Variants in TBCD observed in about 807,000 individuals in gnomAD.
The protein encoded by TBCD is tubulin folding cofactor D.
Under a neutral mutation model 169.3 loss-of-function variants are expected in TBCD, and 105 were observed. That is an observed-to-expected ratio of 0.62 (90% confidence interval 0.53 to 0.73). TBCD has a LOEUF of 0.73. TBCD is among the 30% of genes least tolerant of loss of function. The pLI is 0.00. For synonymous variants in TBCD, 700 were observed against 643.9 expected (o/e 1.09, Z -1.32); for missense variants, 1,444 against 1,600.1 (o/e 0.90, Z 1.66).
chr17:82,927,114 A>G, intron 28 of TBCD, 72 bp from the exon 29 acceptor site: 1 of 1,595,092 alleles, frequency 6.3e-7, no homozygotes, highest in East Asian at 2.2e-5. Flanking sequence ...AGGAACACAC[A>G]TCAGCCCTCT....
At chr17:82,937,792 C>A in intron 35 of TBCD, 1 of 1,345,474 alleles carries the variant, frequency 7.4e-7, no homozygotes, top group Non-Finnish European at 9.9e-7. Context: ...GTCCTCATGG[C>A]AGGGCGAGCG....
rs769131046 is a variant in TBCD at position 82,926,413 on chromosome 17, T to A, written c.2393T>A (p.Leu798Ter). ...ATTGCTTTCCAGGTTCTCACAGGTT[T>A]AAGAGCAGTTACCCACACTTCCCCC... ...KGRLQQVLTGLRAVTHTSPED... is the reference protein window; with the variant it reads ...KGRLQQVLTG The change falls in exon 28 of 39, where the codon TTA (leucine) becomes TAA (stop). Residue 798 changes from leucine to a stop codon, truncating the protein, a stop_gained. Transcript: ENST00000355528. LOFTEE classifies it high-confidence loss of function. 2 of 1,614,000 alleles carry A rather than the reference T, an allele frequency of 1.2e-6. No individual in the cohort carries two copies. The highest frequency in any genetic ancestry group is 1.7e-5 in the Admixed American group (1 of 60,028).
chr17:82,811,227 C>G (rs2051416301), intron 12 of TBCD, among the ~76,000 whole-genome samples: 1 of 152,216 alleles, frequency 6.6e-6, no homozygotes, highest in South Asian at 2.1e-4. Flanking sequence ...GGGCTCCAGG[C>G]CGGGCCTGCC....
chr17:82,937,090 C>T, intron 34 of TBCD, 181 bp from the exon 35 acceptor site: 2 of 598,724 alleles, frequency 3.3e-6, no homozygotes, highest in Non-Finnish European at 5.9e-6. Context: ...AGGGACCAGG[C>T]CGGCCTGTGG....
rs1287761342 is a variant in TBCD, at chr17:82,910,971, C to T, written c.2007-787C>T. 2.6e-5 allele frequency among the ~76,000 whole-genome samples: 4 copies of T among 152,186 alleles called. No homozygotes were observed. The East Asian group carries it at 7.7e-4, about 29-fold the overall frequency. On this transcript the variant is annotated intron_variant, in intron 22 of 38. Transcript: ENST00000355528. ...CTTTCTGCCTCCTAGTCCTTCCAGG[C>T]TGCTCCCAAGAGGTCCCTTGGCTGC...
intron 6 of TBCD, among the ~76,000 whole-genome samples, chr17:82,775,904 A>T (rs11868752): frequency 0.056 from 8,478 of 151,550 alleles, 812 homozygotes; most frequent in African/African-American, 0.19. Flanking sequence ...TAAAAAAATT[A>T]AAAAAAAACC....
At position 82,941,413 on chromosome 17, in the gene TBCD, C is replaced by T. The variant is rs369383204; in HGVS notation, c.3494C>T (p.Ala1165Val). The T allele has an allele frequency of 4.4e-6, 7 of 1,597,012 alleles. No homozygotes were observed. Among genetic ancestry groups the T allele is most frequent in the Admixed American group, 3.4e-5 (2 of 58,978 alleles). The part of the protein sequence containing the change: ...LSDTAWDAEL[A>V]VVREQRNRLC... ...TCTCCTCACAGGGACGCGGAGCTTGCAGTGGTGAGAGAGCAGCGCAACCGT... is the reference window on the plus strand; with the variant it reads ...TCTCCTCACAGGGACGCGGAGCTTGTAGTGGTGAGAGAGCAGCGCAACCGT... The change falls in exon 38 of 39, where the codon GCA becomes GTA. Residue 1165 changes from alanine to valine, a missense_variant. Physicochemically the swap from Ala to Val is moderately conservative, Grantham distance 64 (BLOSUM62 0). Transcript: ENST00000355528.
intron 3 of TBCD, 66 bp downstream of exon 3, chr17:82,764,128 C>A: frequency 8.0e-7 from 1 of 1,250,312 alleles, no homozygotes; most frequent in Non-Finnish European, 1.1e-6. Context: ...CAGAGGTTAC[C>A]CTCCAAAATG....
chr17:82,766,102 C>T (rs559541342), intron 3 of TBCD, among the ~76,000 whole-genome samples, 165 bp from the exon 4 acceptor site: 1 of 152,286 alleles, frequency 6.6e-6, no homozygotes, highest in South Asian at 2.1e-4. Flanking sequence ...GGGTAGCTTT[C>T]TTGGGGTGAC....
At chr17:82,755,917 A>G (rs967394303) in intron 1 of TBCD, among the ~76,000 whole-genome samples, 1 of 152,144 alleles carries the variant, frequency 6.6e-6, no homozygotes, top group Non-Finnish European at 1.5e-5. Context: ...GAAAAGAGGA[A>G]CAGTGTGCCA....
intron 7 of TBCD, among the ~76,000 whole-genome samples, chr17:82,783,840 T>TAAA (rs1361533148): frequency 8.4e-4 from 128 of 152,298 alleles, no homozygotes; most frequent in African/African-American, 2.5e-3. Flanking sequence ...CTTAATGCTT[T>TAAA]CAGGCCGGGC....
rs2058285159 is a variant in TBCD at position 82,880,585 on chromosome 17, G to A, written c.1476-3560G>A. On this transcript the variant is annotated intron_variant, in intron 14 of 38. Coordinates refer to ENST00000355528, the MANE Select transcript of TBCD (RefSeq NM_005993.5). The surrounding 1 kb of genome is among the most constrained non-coding windows in gnomAD (Gnocchi z 5.0). The stretch of plus-strand genomic sequence containing the variant: ...CTGGGTGTGCTGCTGGATGCCCCAA[G>A]GATCTGGCAGGAGGAGGCATCCAGG... Among the ~76,000 whole-genome samples, 1 of 152,234 alleles carries A rather than the reference G, an allele frequency of 6.6e-6. No individual in the cohort carries two copies. Among genetic ancestry groups the A allele is most frequent in the South Asian group, 2.1e-4 (1 of 4,830 alleles).
rs2060347823 is a variant in TBCD at position 82,907,702 on chromosome 17, G to A, written c.1923-59G>A. On this transcript the variant is annotated intron_variant, in intron 20 of 38. Coordinates refer to ENST00000355528, the MANE Select transcript of TBCD (RefSeq NM_005993.5). ...GAGTGTGGCCTCAGCTCCTCCGAGTGTACTCGGGGTTAGGGTCTTGGGGAG... is the reference window on the plus strand; with the variant it reads ...GAGTGTGGCCTCAGCTCCTCCGAGTATACTCGGGGTTAGGGTCTTGGGGAG... 4 of 1,579,604 alleles carry A rather than the reference G, an allele frequency of 2.5e-6. No homozygotes were observed. In the East Asian group the frequency reaches 9.0e-5, roughly 36 times the overall value.
intron 13 of TBCD, among the ~76,000 whole-genome samples, chr17:82,825,133 T>C (rs11078015): frequency 0.46 from 69,609 of 151,942 alleles, 16,065 homozygotes; most frequent in East Asian, 0.54. Context: ...ACCATTGTGC[T>C]TGGGCGGGGT....
intron 7 of TBCD, among the ~76,000 whole-genome samples, chr17:82,793,809 G>C (rs1171288819): frequency 3.3e-5 from 5 of 151,816 alleles, no homozygotes; most frequent in Admixed American, 1.3e-4. Flanking sequence ...AGCCTGCGGG[G>C]GCACGGCTAC....
In TBCD at chr17:82,872,250, C is replaced by T. The variant is rs572638303; in HGVS notation, c.1475+1870C>T. Reference sequence around the variant, plus strand: ...TGCTCCTCTTCGGAGGAGAACAGCGCGGCTGGAGGGTGCTGGTGCTGGCCA... The same window carrying T: ...TGCTCCTCTTCGGAGGAGAACAGCGTGGCTGGAGGGTGCTGGTGCTGGCCA... On this transcript the variant is annotated intron_variant, in intron 14 of 38. Transcript: ENST00000355528. 7.7e-4 allele frequency among the ~76,000 whole-genome samples: 118 copies of T among 152,368 alleles called. 2 individuals are homozygous for T. The highest frequency in any genetic ancestry group is 3.8e-4 in the Non-Finnish European group (26 of 68,040).
At chr17:82,849,634 A>G (rs866391413) in intron 13 of TBCD, among the ~76,000 whole-genome samples, 3 of 152,254 alleles carry the variant, frequency 2.0e-5, no homozygotes, top group African/African-American at 7.2e-5. Flanking sequence ...GCACACGGAT[A>G]AACTGAGAAT....
intron 14 of TBCD, among the ~76,000 whole-genome samples, chr17:82,872,892 ACGGC>A (rs2057690773): frequency 5.9e-5 from 7 of 118,498 alleles, no homozygotes; most frequent in Non-Finnish European, 1.8e-5. Context: ...CTGGTGGCCG[ACGGC>A]TTCTGAGCCA....
intron 2 of TBCD, among the ~76,000 whole-genome samples, chr17:82,760,025 CA>C (rs2047673025): frequency 6.6e-6 from 1 of 151,854 alleles, no homozygotes; most frequent in African/African-American, 2.4e-5. Flanking sequence ...TAGCATGTGC[CA>C]CCACGCCTGG....
Sources: allele counts gnomAD v4.1 joint callset (sites outside exome capture counted in the v4.1 genomes callset), GRCh38; gene constraint gnomAD v4.1.1; non-coding constraint Gnocchi (gnomAD v3.1); transcripts MANE v1.5; gene names NCBI Gene and HGNC (gene_info 2026-07-23, HGNC 2026-07-21).